The following RERE variants were observed in gnomAD, a reference collection of about 807,000 sequenced individuals.
The protein encoded by RERE is arginine-glutamic acid dipeptide repeats.
A neutral mutation model predicts 146.1 loss-of-function variants in RERE; 40 were observed. The ratio of observed to expected loss-of-function variants is 0.27; its 90% CI spans 0.21 to 0.36. The LOEUF (loss-of-function observed/expected upper bound fraction) is 0.36. RERE is among the 10% of genes least tolerant of loss of function. The pLI is 1.00. For missense variants in RERE, 1,933 were observed against 2,138.7 expected (o/e 0.90, Z 1.90); for synonymous variants, 1,003 against 866.0 (o/e 1.16, Z -2.78).
chr1:8,681,869 T>A (rs1192876365), intron 1 of RERE, among the ~76,000 whole-genome samples: 1 of 152,196 alleles, frequency 6.6e-6, no homozygotes, highest in Non-Finnish European at 1.5e-5. Context: ...AATTGATTCT[T>A]TTATATCCTA....
intron 7 of RERE, among the ~76,000 whole-genome samples, chr1:8,526,435 T>C (rs747864851): frequency 1.3e-4 from 19 of 151,990 alleles, no homozygotes; most frequent in Non-Finnish European, 2.2e-4. Flanking sequence ...TAGTAGTAGC[T>C]ACTTAAGAGA....
At position 8,358,890 on chromosome 1, in the gene RERE, A is replaced by G. The variant is rs1641428188; in HGVS notation, c.3645T>C (p.Gly1215=). The change falls in exon 20 of 23, where the codon GGT becomes GGC. Residue 1215 remains glycine, a synonymous_variant. Transcript: ENST00000400908. The part of the protein sequence containing the change: ...AAKASSSAHE[G]RLSDPQLSGP... ...CACTGAGCTGTGGGTCACTGAGGCG[A>G]CCTTCATGCGCTGAGCTGGACGCCT... 6.4e-7 allele frequency: 1 copy of G among 1,558,744 alleles called. No homozygotes were observed. The highest frequency in any genetic ancestry group is 1.9e-5 in the Admixed American group (1 of 53,608).
intron 4 of RERE, among the ~76,000 whole-genome samples, chr1:8,562,791 CTGGCTGGATT>C (rs2124436203): frequency 6.6e-6 from 1 of 152,128 alleles, no homozygotes; most frequent in African/African-American, 2.4e-5. Context: ...ATTATAGACC[CTGGCTGGATT>C]TCTCTTGAAA....
At position 8,358,336 on chromosome 1, in the gene RERE, C is replaced by T. The variant is rs1570021159; in HGVS notation, c.4199G>A (p.Arg1400His). The T allele has an allele frequency of 6.8e-6, 11 of 1,612,600 alleles. No homozygotes were observed. The highest frequency in any genetic ancestry group is 5.1e-6 in the Non-Finnish European group (6 of 1,179,524). The change falls in exon 20 of 23, where the codon CGT (arginine) becomes CAT (histidine). Residue 1400 changes from arginine to histidine, a missense_variant. Around this residue, in one of 11 missense-constraint regions of RERE, gnomAD observed 47 missense variants for 58.6 expected, o/e 0.80. Transcript: ENST00000400908. ...MSYPDRLAAE[R>H]IHAERMASLT... is the part of the protein sequence containing the mutation. ...CGATGCCATGCGCTCTGCGTGGATA[C>T]GCTCGGCTGCCAGTCTGTCAGGGTA...
intron 4 of RERE, among the ~76,000 whole-genome samples, chr1:8,592,958 CAT>C (rs998526258): frequency 1.4e-4 from 22 of 152,164 alleles, no homozygotes; most frequent in African/African-American, 3.6e-4. Flanking sequence ...GTATTCTTCA[CAT>C]GTTTTTCCAT....
chr1:8,578,115 G>T (rs1228245917), intron 4 of RERE, among the ~76,000 whole-genome samples: 1 of 152,000 alleles, frequency 6.6e-6, no homozygotes, highest in Non-Finnish European at 1.5e-5. Flanking sequence ...AAGGGCGGGG[G>T]GGAGAGGAAA....
At chr1:8,735,892 C>A (rs968145444) in intron 1 of RERE, among the ~76,000 whole-genome samples, 1 of 152,106 alleles carries the variant, frequency 6.6e-6, no homozygotes, top group African/African-American at 2.4e-5. Context: ...GCTAACTAAA[C>A]CTCTTTCCTT....
intron 1 of RERE, among the ~76,000 whole-genome samples, chr1:8,815,441 G>A (rs529596718): frequency 6.6e-6 from 1 of 152,114 alleles, no homozygotes; most frequent in South Asian, 2.1e-4. Context: ...AACAAAATCA[G>A]GGTCAATGAG....
intron 7 of RERE, among the ~76,000 whole-genome samples, chr1:8,533,908 TCC>T (rs1645690231): frequency 1.3e-5 from 2 of 152,256 alleles, no homozygotes; most frequent in African/African-American, 4.8e-5. Flanking sequence ...CAGGCTTTTG[TCC>T]TGTTTTATTA....
At chr1:8,776,587 G>A (rs1410659855) in intron 1 of RERE, among the ~76,000 whole-genome samples, 1 of 152,108 alleles carries the variant, frequency 6.6e-6, no homozygotes, top group Non-Finnish European at 1.5e-5. Context: ...ATGAGCCACG[G>A]CACCTAGCCC....
At chr1:8,407,679 C>T (rs2124451331) in intron 12 of RERE, among the ~76,000 whole-genome samples, 2 of 152,184 alleles carry the variant, frequency 1.3e-5, no homozygotes, top group Admixed American at 1.3e-4. Context: ...TACTGGCAGC[C>T]CCCGTAGACT....
At position 8,473,108 on chromosome 1, in the gene RERE, G is replaced by C. The variant is rs184910477; in HGVS notation, c.1105-7085C>G. 1.9e-3 allele frequency among the ~76,000 whole-genome samples: 293 copies of C among 152,154 alleles called. 1 individual carries two copies. The highest frequency in any genetic ancestry group is 7.7e-3 in the South Asian group (37 of 4,820). On this transcript the variant is annotated intron_variant, in intron 10 of 22. Coordinates refer to ENST00000400908, the MANE Select transcript of RERE (RefSeq NM_001042681.2). Reference sequence around the variant, plus strand: ...CCTGTTTTGCTGTTTTCTAGCAATCGGCCTTTGGTCTCTGGGTGTGCTCCA... The same window carrying C: ...CCTGTTTTGCTGTTTTCTAGCAATCCGCCTTTGGTCTCTGGGTGTGCTCCA...
At chr1:8,581,356 A>AT (rs932049061) in intron 4 of RERE, among the ~76,000 whole-genome samples, 11 of 152,116 alleles carry the variant, frequency 7.2e-5, no homozygotes, top group Non-Finnish European at 1.0e-4. Flanking sequence ...GTTGGAAGGT[A>AT]TTTTTTTAAA....
At chr1:8,556,992 T>C (rs1319382987) in intron 5 of RERE, among the ~76,000 whole-genome samples, 1 of 151,440 alleles carries the variant, frequency 6.6e-6, no homozygotes, top group Non-Finnish European at 1.5e-5. Flanking sequence ...CAAGGAACTA[T>C]AATTTACACG....
chr1:8,418,957 T>C (rs556099738), intron 12 of RERE, among the ~76,000 whole-genome samples: 5 of 152,288 alleles, frequency 3.3e-5, no homozygotes, highest in Non-Finnish European at 5.9e-5. Flanking sequence ...CTGTGACTTA[T>C]ACAAATATAC....
intron 1 of RERE, among the ~76,000 whole-genome samples, chr1:8,788,301 T>TA (rs1284965635): frequency 6.6e-6 from 1 of 151,830 alleles, no homozygotes; most frequent in Admixed American, 6.6e-5. Context: ...TATAATAATA[T>TA]AGTAATTTTT....
intron 2 of RERE, among the ~76,000 whole-genome samples, chr1:8,649,993 TAAGAA>T (rs1056345910): frequency 2.0e-5 from 3 of 151,918 alleles, no homozygotes; most frequent in Admixed American, 1.3e-4. Context: ...TGGCAGAGCT[TAAGAA>T]AAGATAAGAA....
chr1:8,581,901 A>C (rs1646370338), intron 4 of RERE, among the ~76,000 whole-genome samples: 1 of 152,108 alleles, frequency 6.6e-6, no homozygotes, highest in South Asian at 2.1e-4. Context: ...AGGTACATAG[A>C]GATTTTTTTT....
intron 7 of RERE, among the ~76,000 whole-genome samples, chr1:8,521,642 G>T (rs1187813050): frequency 2.6e-5 from 4 of 152,150 alleles, no homozygotes; most frequent in Non-Finnish European, 5.9e-5. Context: ...TACAAAAACT[G>T]TAAGAAATAT....
Sources: gnomAD v4.1 joint callset for allele counts (sites outside exome capture counted in the v4.1 genomes callset) on GRCh38, gnomAD v4.1.1 for gene constraint, gnomAD v4.1.1 regional missense constraint, MANE v1.5 for transcripts, NCBI Gene and HGNC (gene_info 2026-07-23, HGNC 2026-07-21) for gene names.